The following ERBB4 variants were observed in gnomAD, a reference collection of about 807,000 sequenced individuals.
ERBB4 encodes erb-b2 receptor tyrosine kinase 4, also known as receptor tyrosine-protein kinase erbB-4.
ERBB4 carries 42 observed loss-of-function variants against 158.0 expected under a neutral mutation model. That is an observed-to-expected ratio of 0.27 (90% CI 0.21 to 0.34). The LOEUF is 0.34. Ranked by LOEUF, ERBB4 falls within the 10% of genes least tolerant of loss-of-function variation. ERBB4 has a pLI of 1.00. For synonymous variants in ERBB4, 583 were observed against 558.7 expected (o/e 1.04, Z -0.61); for missense variants, 1,333 against 1,624.1 (o/e 0.82, Z 3.08).
rs908733299 is a variant in ERBB4, at chr2:211,377,744, T to A, written c.*5871A>T. The stretch of plus-strand genomic sequence containing the variant: ...TGGCAAAAATAACTTCTTGGTTATA[T>A]GTACAGCTTTTATGTAAAGATTAAA... On this transcript the variant is annotated 3_prime_UTR_variant, in exon 28 of 28. Coordinates refer to ENST00000342788, the MANE Select transcript of ERBB4 (RefSeq NM_005235.3). The A allele has an allele frequency of 4.3e-6, 1 of 232,392 alleles. No homozygotes were observed. The highest frequency in any genetic ancestry group is 8.5e-6 in the Non-Finnish European group (1 of 117,564). 14.4% of individuals were successfully genotyped at this position (232,392 alleles called of 1,614,324 possible). A position where few individuals can be genotyped will look rare whatever the true frequency, so the allele number is the denominator to read the frequency against.
At chr2:212,094,280 TAAAA>T (rs2078863820) in intron 2 of ERBB4, among the ~76,000 whole-genome samples, 1 of 149,586 alleles carries the variant, frequency 6.7e-6, no homozygotes, top group Non-Finnish European at 1.5e-5. Context: ...AATAATAAAA[TAAAA>T]TAAAATTAAA....
At chr2:211,597,898 C>G (rs2068686196) in intron 19 of ERBB4, among the ~76,000 whole-genome samples, 1 of 151,996 alleles carries the variant, frequency 6.6e-6, no homozygotes, top group African/African-American at 2.4e-5. Flanking sequence ...AAGATTATAT[C>G]TTTGTATGTT....
chr2:212,424,527 G>A (rs1244535929), intron 1 of ERBB4, among the ~76,000 whole-genome samples: 2 of 152,080 alleles, frequency 1.3e-5, no homozygotes, highest in Non-Finnish European at 2.9e-5. Flanking sequence ...ATAAAAAAGA[G>A]AGCCTTGCTA....
intron 10 of ERBB4, among the ~76,000 whole-genome samples, chr2:211,704,951 T>C (rs1488011805): frequency 1.3e-5 from 2 of 152,068 alleles, no homozygotes; most frequent in African/African-American, 2.4e-5. Context: ...TTGTTTTGTT[T>C]TGTTTTGTTT....
intron 3 of ERBB4, among the ~76,000 whole-genome samples, chr2:211,875,025 CAAAAA>C (rs746636278): frequency 3.7e-5 from 1 of 27,030 alleles, no homozygotes; most frequent in African/African-American, 1.5e-4. Flanking sequence ...AATAGAAATG[CAAAAA>C]AAAAAAAAAA....
chr2:211,619,029 G>C (rs1425080523), intron 19 of ERBB4, 148 bp downstream of exon 19: 2 of 638,098 alleles, frequency 3.1e-6, no homozygotes, highest in African/African-American at 3.7e-5. Context: ...ATGTGAATTG[G>C]TCTTAGAAAT....
At chr2:212,130,943 T>C (rs575487091) in intron 1 of ERBB4, among the ~76,000 whole-genome samples, 93 of 152,330 alleles carry the variant, frequency 6.1e-4, no homozygotes, top group Non-Finnish European at 1.3e-3. Flanking sequence ...CACCAATAAG[T>C]ACTTTCCTTT....
intron 1 of ERBB4, among the ~76,000 whole-genome samples, chr2:212,442,960 C>A (rs554053588): frequency 6.6e-6 from 1 of 152,234 alleles, no homozygotes; most frequent in African/African-American, 2.4e-5. Flanking sequence ...TGGAGAAGGA[C>A]AATGGATTAC....
chr2:212,537,775 C>A (rs939824689), intron 1 of ERBB4, among the ~76,000 whole-genome samples: 2 of 148,124 alleles, frequency 1.4e-5, no homozygotes, highest in African/African-American at 5.1e-5. Flanking sequence ...AGAGGTCAGG[C>A]AGGCGAGTAA....
intron 20 of ERBB4, among the ~76,000 whole-genome samples, chr2:211,539,158 T>C (rs1253874691): frequency 6.6e-6 from 1 of 151,908 alleles, no homozygotes; most frequent in Admixed American, 6.6e-5. Flanking sequence ...TCTATCTTCA[T>C]TCATGAAATC....
chr2:212,492,251 CA>C (rs1690321639), intron 1 of ERBB4, among the ~76,000 whole-genome samples: 1 of 151,136 alleles, frequency 6.6e-6, no homozygotes, highest in African/African-American at 2.4e-5. Flanking sequence ...TAACGAAGAG[CA>C]ACATATATTG....
At chr2:211,547,209 T>C (rs1433565486) in intron 20 of ERBB4, among the ~76,000 whole-genome samples, 4 of 152,140 alleles carry the variant, frequency 2.6e-5, no homozygotes, top group African/African-American at 9.7e-5. Flanking sequence ...CTTTAAATTT[T>C]TGGAAACTTC....
intron 3 of ERBB4, among the ~76,000 whole-genome samples, chr2:211,846,235 C>T (rs535988384): frequency 6.6e-6 from 1 of 152,126 alleles, no homozygotes; most frequent in South Asian, 2.1e-4. Flanking sequence ...AGCAGCTGCC[C>T]AGCTTCTTAA....
chr2:212,136,930 A>G (rs567604070), intron 1 of ERBB4, among the ~76,000 whole-genome samples: 1 of 152,158 alleles, frequency 6.6e-6, no homozygotes, highest in South Asian at 2.1e-4. Context: ...AACCCAATTC[A>G]TAGTCACATT....
At chr2:212,221,044 T>A (rs769711122) in intron 1 of ERBB4, among the ~76,000 whole-genome samples, 1 of 151,484 alleles carries the variant, frequency 6.6e-6, no homozygotes, top group African/African-American at 2.4e-5. Flanking sequence ...CCACACAACC[T>A]CCCTACTTAG....
intron 5 of ERBB4, among the ~76,000 whole-genome samples, chr2:211,736,892 A>G (rs2074618220): frequency 6.6e-6 from 1 of 152,170 alleles, no homozygotes; most frequent in Admixed American, 6.5e-5. Context: ...TATAGATATT[A>G]AAGCTTTTAT....
chr2:212,142,666 A>C (rs2080523836), intron 1 of ERBB4, among the ~76,000 whole-genome samples: 1 of 149,856 alleles, frequency 6.7e-6, no homozygotes, highest in African/African-American at 2.4e-5. Context: ...TATAACTCTA[A>C]TATAGAAATA....
At chr2:212,162,988 G>T (rs1453900870) in intron 1 of ERBB4, among the ~76,000 whole-genome samples, 1 of 151,978 alleles carries the variant, frequency 6.6e-6, no homozygotes, top group East Asian at 1.9e-4. Flanking sequence ...GAACAGGAAT[G>T]CCAAACTTTT....
intron 1 of ERBB4, among the ~76,000 whole-genome samples, chr2:212,209,492 T>C (rs2105922843): frequency 6.6e-6 from 1 of 152,216 alleles, no homozygotes; most frequent in East Asian, 1.9e-4. Context: ...ATTTTGCTCG[T>C]CTACTCTCAG....
Sources: allele counts gnomAD v4.1 joint callset (sites outside exome capture counted in the v4.1 genomes callset), GRCh38; gene constraint gnomAD v4.1.1; transcripts MANE v1.5; gene names NCBI Gene and HGNC (gene_info 2026-07-23, HGNC 2026-07-21).